RBFOX1: variants seen among roughly 807,000 people sequenced by gnomAD.
RBFOX1 encodes RNA binding protein fox-1 homolog 1.
RBFOX1 carries 8 observed loss-of-function variants against 57.7 expected under a neutral mutation model. The observed-to-expected ratio is 0.14, with a 90% CI of 0.08 to 0.25. RBFOX1 has a LOEUF of 0.25. Among genes scored for constraint, RBFOX1 ranks in the 10% least tolerant of loss-of-function variants. The pLI is 1.00. For missense variants in RBFOX1, 611 were observed against 548.5 expected, an observed-to-expected ratio of 1.11 and a Z score of -1.14; for synonymous variants, 326 against 222.4, an observed-to-expected ratio of 1.47 and a Z score of -4.15.
At chr16:7,065,906 C>G (rs2055890683) in intron 4 of RBFOX1, among the ~76,000 whole-genome samples, 3 of 152,128 alleles carry the variant, frequency 2.0e-5, no homozygotes, top group Non-Finnish European at 1.5e-5. Context: ...GGGTACATGT[C>G]TTTCTGTGTA....
intron 3 of RBFOX1, among the ~76,000 whole-genome samples, chr16:6,877,017 C>A (rs1219366236): frequency 6.6e-6 from 1 of 152,108 alleles, no homozygotes; most frequent in South Asian, 2.1e-4. Flanking sequence ...TACTATATTT[C>A]TGCTATTGTT....
At chr16:7,166,776 A>T (rs966748022) in intron 4 of RBFOX1, among the ~76,000 whole-genome samples, 5 of 152,006 alleles carry the variant, frequency 3.3e-5, no homozygotes, top group African/African-American at 1.2e-4. Context: ...CTGGGTGGAT[A>T]CAGGACAGAC....
intron 4 of RBFOX1, among the ~76,000 whole-genome samples, chr16:7,164,255 G>C (rs2078981695): frequency 1.3e-5 from 2 of 152,064 alleles, no homozygotes; most frequent in African/African-American, 2.4e-5. Context: ...CTAGAATAAT[G>C]GTTTTCAGCT....
intron 3 of RBFOX1, among the ~76,000 whole-genome samples, chr16:6,859,155 A>ATATATATATT (rs1567592920): frequency 1.7e-5 from 1 of 60,248 alleles, no homozygotes; most frequent in Admixed American, 2.3e-4. Context: ...ATATATATGT[A>ATATATATATT]TATATATACG....
intron 14 of RBFOX1, among the ~76,000 whole-genome samples, chr16:7,700,838 G>T (rs1200643762): frequency 6.6e-6 from 1 of 151,962 alleles, no homozygotes; most frequent in Non-Finnish European, 1.5e-5. Flanking sequence ...TTCAGAATAG[G>T]AAGAGGTTTT....
At chr16:5,910,463 G>T (rs1288163776) in intron 4 of RBFOX1, among the ~76,000 whole-genome samples, 1 of 152,196 alleles carries the variant, frequency 6.6e-6, no homozygotes, top group South Asian at 2.1e-4. Context: ...ATGAAACATG[G>T]TCAGGAAAGT....
At chr16:7,387,270 A>C (rs2097900417) in intron 4 of RBFOX1, among the ~76,000 whole-genome samples, 1 of 152,210 alleles carries the variant, frequency 6.6e-6, no homozygotes, top group African/African-American at 2.4e-5. Flanking sequence ...TAGGATTAGT[A>C]ATAAATTCTA....
At chr16:6,509,792 T>C (rs2096210400) in intron 2 of RBFOX1, among the ~76,000 whole-genome samples, 1 of 152,186 alleles carries the variant, frequency 6.6e-6, no homozygotes, top group African/African-American at 2.4e-5. Flanking sequence ...AAATATCTCA[T>C]GTAACTCATA....
intron 4 of RBFOX1, among the ~76,000 whole-genome samples, chr16:7,372,332 A>C (rs1281035364): frequency 2.0e-5 from 3 of 152,154 alleles, no homozygotes; most frequent in African/African-American, 7.2e-5. Context: ...CACAGTGTTC[A>C]CCCTGCTTAG....
At chr16:7,624,379 C>A (rs1362096103) in intron 10 of RBFOX1, among the ~76,000 whole-genome samples, 2 of 152,170 alleles carry the variant, frequency 1.3e-5, no homozygotes, top group Non-Finnish European at 2.9e-5. Flanking sequence ...TCTTAGTGAG[C>A]AGTGTGACTA....
intron 2 of RBFOX1, among the ~76,000 whole-genome samples, chr16:6,499,732 C>T (rs958370439): frequency 2.6e-5 from 4 of 152,000 alleles, no homozygotes; most frequent in Non-Finnish European, 4.4e-5. Flanking sequence ...TGTGCAATCT[C>T]GTAGGGCAAA....
intron 4 of RBFOX1, among the ~76,000 whole-genome samples, chr16:7,417,701 G>A (rs893566135): frequency 1.3e-5 from 2 of 152,132 alleles, no homozygotes; most frequent in African/African-American, 4.8e-5. Flanking sequence ...CATATCTCAG[G>A]AAACCTTAAT....
At position 5,438,942 on chromosome 16, in the gene RBFOX1, G is replaced by C. The variant is rs578228650; in HGVS notation, c.220-28274G>C. Among the ~76,000 whole-genome samples, 24 of 151,754 alleles carry C rather than the reference G, an allele frequency of 1.6e-4. No homozygotes were observed. In the South Asian group the frequency reaches 4.6e-3, roughly 29 times the overall value. The stretch of plus-strand genomic sequence containing the variant: ...TAATGTTCTAGTAGTTGTGTGGATG[G>C]GGAGGTGGTAAGGAGGTAACAAGTT... On this transcript the variant is annotated intron_variant, in intron 1 of 2. Transcript: ENST00000585867.
chr16:6,415,478 G>A (rs150580439), intron 2 of RBFOX1, among the ~76,000 whole-genome samples: 214 of 151,270 alleles, frequency 1.4e-3, no homozygotes, highest in African/African-American at 4.7e-3. Context: ...CGAGGAGGGC[G>A]GATCACGAGG....
intron 3 of RBFOX1, among the ~76,000 whole-genome samples, chr16:6,912,658 C>A (rs370553900): frequency 6.6e-6 from 1 of 150,894 alleles, no homozygotes; most frequent in Non-Finnish European, 1.5e-5. Flanking sequence ...CTGTGTCATC[C>A]AGGCTGGAGT....
intron 2 of RBFOX1, among the ~76,000 whole-genome samples, chr16:6,538,627 C>G (rs1384249883): frequency 1.3e-5 from 2 of 152,156 alleles, no homozygotes; most frequent in Admixed American, 6.5e-5. Context: ...CTGAAATTCT[C>G]AAATATTGCT....
chr16:5,884,315 T>G (rs2057840970), intron 4 of RBFOX1, among the ~76,000 whole-genome samples: 1 of 151,886 alleles, frequency 6.6e-6, no homozygotes, highest in Non-Finnish European at 1.5e-5. Context: ...GTGGATAAGG[T>G]GGGTGATTAA....
At chr16:6,875,067 A>C (rs571025435) in intron 3 of RBFOX1, among the ~76,000 whole-genome samples, 2 of 152,262 alleles carry the variant, frequency 1.3e-5, no homozygotes, top group South Asian at 4.2e-4. Flanking sequence ...CAGGGCGAAA[A>C]AAATGTAAGG....
Position 6,637,500 on chromosome 16 carries a change from A to G in RBFOX1, c.-63-17103A>G, listed in dbSNP as rs1439160592. Among the ~76,000 whole-genome samples, 5 of 59,172 alleles carry G rather than the reference A, an allele frequency of 8.4e-5. No individual in the cohort carries two copies. In the South Asian group the frequency reaches 4.0e-3, roughly 48 times the overall value. 38.8% of individuals were successfully genotyped at this position (59,172 alleles called of 152,430 possible). A position where few individuals can be genotyped will look rare whatever the true frequency, so the allele number is the denominator to read the frequency against. On this transcript the variant is annotated intron_variant, in intron 2 of 15. Transcript: ENST00000550418. ...ATATAATATCCTATATATTATATAT[A>G]ATATTCTATATAGTATATATAATAT... is the stretch of plus-strand genomic sequence containing the variant.
Sources: gnomAD v4.1 joint callset for allele counts (sites outside exome capture counted in the v4.1 genomes callset) on GRCh38, gnomAD v4.1.1 for gene constraint, MANE v1.5 for transcripts, NCBI Gene and HGNC (gene_info 2026-07-23, HGNC 2026-07-21) for gene names.